MAX: variants seen among roughly 807,000 people sequenced by gnomAD.
MAX encodes the protein MYC associated transcriptional regulator X, also known as protein max.
In MAX, 3 loss-of-function variants were observed where a neutral mutation model predicts 22.3. That is an observed-to-expected ratio of 0.13 (90% CI 0.06 to 0.35). The LOEUF is 0.35. Ranked by LOEUF, MAX falls within the 10% of genes least tolerant of loss-of-function variation. The pLI is 1.00. For missense variants in MAX, 119 were observed against 209.4 expected (o/e 0.57, Z 2.66); for synonymous variants, 72 against 77.7 (o/e 0.93, Z 0.39).
At chr14:65,020,733 C>CTTTT (rs71123901) in intron 3 of MAX, among the ~76,000 whole-genome samples, 3 of 123,332 alleles carry the variant, frequency 2.4e-5, no homozygotes, top group Non-Finnish European at 3.3e-5. Flanking sequence ...CGCGCCCGGC[C>CTTTT]TTTTTTTTTT....
At chr14:65,051,973 T>A (rs993717336) in intron 3 of MAX, among the ~76,000 whole-genome samples, 3 of 152,004 alleles carry the variant, frequency 2.0e-5, no homozygotes, top group South Asian at 2.1e-4. Flanking sequence ...TTTTTTGTAT[T>A]TTTAGTAGAG....
In MAX at chr14:65,016,920, G is replaced by GTTTT. The variant is rs34191835; in HGVS notation, c.172-10640_172-10637dup. On this transcript the variant is annotated intron_variant, in intron 3 of 3. Coordinates refer to the MAX transcript ENST00000341653. Reference sequence around the variant, plus strand: ...TAATTGTCAAAGAAAGGCCCACGTGGTTTTTTTTTTTTTTTTTTTTGAGAC... The same window carrying GTTTT: ...TAATTGTCAAAGAAAGGCCCACGTGGTTTTTTTTTTTTTTTTTTTTTTTTGAGAC... 2.9e-4 allele frequency among the ~76,000 whole-genome samples: 33 copies of GTTTT among 114,838 alleles called. 3 individuals carry two copies. The highest frequency in any genetic ancestry group is 3.4e-4 in the Non-Finnish European group (20 of 58,364). 75.3% of individuals were successfully genotyped at this position (114,838 alleles called of 152,430 possible).
rs563468928 is a variant in MAX at position 65,031,979 on chromosome 14, C to CGTGTGTGTGTGT, written c.172-25707_172-25696dup. On this transcript the variant is annotated intron_variant, in intron 3 of 3. Coordinates refer to the MAX transcript ENST00000341653. The surrounding 1 kb of genome is among the most constrained non-coding windows in gnomAD (Gnocchi z 4.6). ...ATAGACGTGCGCCTTTTTCATTTAA[C>CGTGTGTGTGTGT]GTGTGTGTGTGTGTGTGTGTGTGTG... Among the ~76,000 whole-genome samples, 169 of 141,282 alleles carry CGTGTGTGTGTGT rather than the reference C, an allele frequency of 1.2e-3. No homozygotes were observed. Among genetic ancestry groups the CGTGTGTGTGTGT allele is most frequent in the African/African-American group, 3.7e-3 (139 of 37,884 alleles). The allele number at this position is 141,282 out of a possible 152,430, so 92.7% of individuals were successfully genotyped here.
In MAX at chr14:65,075,615, C is replaced by G; in HGVS notation, c.*861G>C. ...CATCATCAGAAATAGGTACAATTCA[C>G]TCAGATTCAAATTTAAGTAGCAGGA... On this transcript the variant is annotated 3_prime_UTR_variant, in exon 5 of 5. Transcript: ENST00000358664. The surrounding 1 kb of genome is among the most constrained non-coding windows in gnomAD (Gnocchi z 4.1). 9.4e-7 allele frequency: 1 copy of G among 1,066,414 alleles called. No homozygotes were observed. Among genetic ancestry groups the G allele is most frequent in the Non-Finnish European group, 1.1e-6 (1 of 879,748 alleles). The allele number at this position is 1,066,414 out of a possible 1,614,324, so 66.1% of individuals were successfully genotyped here.
At chr14:65,060,565 G>A (rs572862390) in intron 3 of MAX, among the ~76,000 whole-genome samples, 1,385 of 126,406 alleles carry the variant, frequency 0.011, 127 homozygotes, top group Non-Finnish European at 0.015. Flanking sequence ...GCGTAGTGGC[G>A]GGCGCCTGTA....
rs1208290230 is a variant in MAX, at chr14:65,084,871, A to G, written c.172-6835T>C. Among the ~76,000 whole-genome samples, 3 of 152,346 alleles carry G rather than the reference A, an allele frequency of 2.0e-5. No individual in the cohort carries two copies. In the East Asian group the frequency reaches 5.8e-4, roughly 29 times the overall value. On this transcript the variant is annotated intron_variant, in intron 3 of 4. Coordinates refer to ENST00000358664, the MANE Select transcript of MAX (RefSeq NM_002382.5). The surrounding 1 kb of genome is among the most constrained non-coding windows in gnomAD (Gnocchi z 4.3). The stretch of plus-strand genomic sequence containing the variant: ...CTTGTTAGACTCCATCAATAAATCC[A>G]TGGATTGAACAATAGCAGCTTTTGG...
Position 65,012,494 on chromosome 14 carries a change from C to T in MAX, c.172-6210G>A. The T allele has an allele frequency of 6.9e-7, 1 of 1,451,784 alleles. No individual in the cohort carries two copies. The highest frequency in any genetic ancestry group is 9.4e-7 in the Non-Finnish European group (1 of 1,059,524). The allele number at this position is 1,451,784 out of a possible 1,614,324, so 89.9% of individuals were successfully genotyped here. A position where few individuals can be genotyped will look rare whatever the true frequency, so the allele number is the denominator to read the frequency against. ...TGTTGGGGCTGACCTGTTGCAGAGT[C>T]ACTCTTTGTTCTCTGTGGCTCTGGC... On this transcript the variant is annotated intron_variant, in intron 3 of 3. Coordinates refer to the MAX transcript ENST00000341653. This position sits in a 1 kb window ranked among gnomAD's most constrained non-coding sequence, Gnocchi z 5.0.
chr14:65,073,772 G>A (rs1172903908), downstream of MAX, among the ~76,000 whole-genome samples: 4 of 152,236 alleles, frequency 2.6e-5, no homozygotes, highest in South Asian at 4.1e-4. Flanking sequence ...GTTTCCAGGC[G>A]GAGCTCCCCT....
At position 65,032,749 on chromosome 14, in the gene MAX, A is replaced by G. The variant is rs1365288639; in HGVS notation, c.172-26465T>C. 1.9e-6 allele frequency: 3 copies of G among 1,550,820 alleles called. No homozygotes were observed. Among genetic ancestry groups the G allele is most frequent in the African/African-American group, 1.4e-5 (1 of 72,368 alleles). On this transcript the variant is annotated intron_variant, in intron 3 of 3. Coordinates refer to the MAX transcript ENST00000341653. This position sits in a 1 kb window ranked among gnomAD's most constrained non-coding sequence, Gnocchi z 5.0. ...CTCTTGGAGAGCAGGCGGTCACGACACTACTTCAGAAAAATAAAGAAAATG... is the reference window on the plus strand; with the variant it reads ...CTCTTGGAGAGCAGGCGGTCACGACGCTACTTCAGAAAAATAAAGAAAATG...
Position 65,054,677 on chromosome 14 carries a change from C to G in MAX, c.171+39031G>C. On this transcript the variant is annotated intron_variant, in intron 3 of 3. Transcript: ENST00000341653. The surrounding 1 kb of genome is among the most constrained non-coding windows in gnomAD (Gnocchi z 4.4). Reference sequence around the variant, plus strand: ...TGCATGATGTGGTCCTGGGTGTGCCCGAAAACGCTCTGGTAAGACGGGTGC... The same window carrying G: ...TGCATGATGTGGTCCTGGGTGTGCCGGAAAACGCTCTGGTAAGACGGGTGC... 6.2e-7 allele frequency: 1 copy of G among 1,610,252 alleles called. No homozygotes were observed. Among genetic ancestry groups the G allele is most frequent in the Non-Finnish European group, 8.5e-7 (1 of 1,178,340 alleles).
chr14:65,075,636 C>T lies in MAX; in HGVS notation c.*840G>A. On this transcript the variant is annotated 3_prime_UTR_variant, in exon 5 of 5. Transcript: ENST00000358664. This position sits in a 1 kb window ranked among gnomAD's most constrained non-coding sequence, Gnocchi z 4.1. ...TTCACTCAGATTCAAATTTAAGTAG[C>T]AGGAAATAAATATCAAAACATCATC... 2 of 1,066,314 alleles carry T rather than the reference C, an allele frequency of 1.9e-6. No individual in the cohort carries two copies. Among genetic ancestry groups the T allele is most frequent in the Non-Finnish European group, 2.3e-6 (2 of 879,704 alleles). 66.1% of individuals were successfully genotyped at this position (1,066,314 alleles called of 1,614,324 possible).
chr14:65,020,330 C>G (rs557269623), intron 3 of MAX, among the ~76,000 whole-genome samples: 6 of 152,254 alleles, frequency 3.9e-5, no homozygotes, highest in African/African-American at 1.4e-4. Context: ...CTGGGCTGGT[C>G]TCAATCTCCT....
chr14:65,027,830 A>C lies in MAX; in HGVS notation c.172-21546T>G. On this transcript the variant is annotated intron_variant, in intron 3 of 3. Transcript: ENST00000341653. This position sits in a 1 kb window ranked among gnomAD's most constrained non-coding sequence, Gnocchi z 5.7. ...GCCACATCAGTTGACTCTAGAGCTC[A>C]TCTGCCATTAGAGATGCCAAGCCTA... 206 of 1,600,620 alleles carry C rather than the reference A, an allele frequency of 1.3e-4. No homozygotes were observed. Among genetic ancestry groups the C allele is most frequent in the East Asian group, 1.8e-4 (8 of 44,564 alleles).
At chr14:65,066,946 C>A (rs775746736) in intron 3 of MAX, among the ~76,000 whole-genome samples, 2 of 149,698 alleles carry the variant, frequency 1.3e-5, no homozygotes, top group African/African-American at 2.5e-5. Flanking sequence ...GAGGCCAAGG[C>A]TGGAAGATCA....
In MAX at chr14:65,076,284, A is replaced by G; in HGVS notation, c.*192T>C. ...GAAGGGAATACATTAAAAAATATAC[A>G]GTGGAAATGGGGAAGGAGAACGAGA... is the stretch of plus-strand genomic sequence containing the variant. On this transcript the variant is annotated 3_prime_UTR_variant, in exon 5 of 5. Coordinates refer to ENST00000358664, the MANE Select transcript of MAX (RefSeq NM_002382.5). This position sits in a 1 kb window ranked among gnomAD's most constrained non-coding sequence, Gnocchi z 6.6. 1 of 1,452,070 alleles carries G rather than the reference A, an allele frequency of 6.9e-7. No individual in the cohort carries two copies. 89.9% of individuals were successfully genotyped at this position (1,452,070 alleles called of 1,614,324 possible).
At chr14:65,015,084 T>C (rs1325595765) in intron 3 of MAX, among the ~76,000 whole-genome samples, 1 of 150,954 alleles carries the variant, frequency 6.6e-6, no homozygotes, top group African/African-American at 2.5e-5. Flanking sequence ...TTTTTAATCC[T>C]GTTGTCTTTT....
At chr14:65,100,664 C>T (rs2063805375) in intron 2 of MAX, among the ~76,000 whole-genome samples, 1 of 152,092 alleles carries the variant, frequency 6.6e-6, no homozygotes, top group South Asian at 2.1e-4. Context: ...CTTACTGCTC[C>T]CAACTATCAA....
intron 3 of MAX, among the ~76,000 whole-genome samples, chr14:65,033,850 C>T (rs965198630): frequency 6.6e-6 from 1 of 152,000 alleles, no homozygotes; most frequent in Non-Finnish European, 1.5e-5. Context: ...GGGCGAGACT[C>T]CATCTCAAAA....
chr14:65,098,925 A>G (rs1292163586), intron 2 of MAX, among the ~76,000 whole-genome samples: 1 of 152,214 alleles, frequency 6.6e-6, no homozygotes, highest in Non-Finnish European at 1.5e-5. Context: ...TATAAAACAT[A>G]CATGAATGTT....
Sources: allele counts gnomAD v4.1 joint callset (sites outside exome capture counted in the v4.1 genomes callset), GRCh38; gene constraint gnomAD v4.1.1; non-coding constraint Gnocchi (gnomAD v3.1); transcripts MANE v1.5; gene names NCBI Gene and HGNC (gene_info 2026-07-23, HGNC 2026-07-21).